PCSK5: variants seen among roughly 807,000 people sequenced by gnomAD.
PCSK5 encodes prohormone convertase 5.
A neutral mutation model predicts 233.2 loss-of-function variants in PCSK5; 129 were observed. That is an observed-to-expected ratio of 0.55 (90% CI 0.48 to 0.64). The LOEUF (loss-of-function observed/expected upper bound fraction) is 0.64. Among genes scored for constraint, PCSK5 ranks in the 30% least tolerant of loss-of-function variants. The pLI is 0.00. For missense variants in PCSK5, 2,076 were observed against 2,430.1 expected, an observed-to-expected ratio of 0.85 and a Z score of 3.06; for synonymous variants, 825 against 879.2, an observed-to-expected ratio of 0.94 and a Z score of 1.09.
intron 30 of PCSK5, among the ~76,000 whole-genome samples, chr9:76,312,514 A>C (rs1470790531): frequency 6.6e-6 from 1 of 152,036 alleles, no homozygotes; most frequent in Non-Finnish European, 1.5e-5. Context: ...CATCTCAAAA[A>C]AAAAAAAAAG....
chr9:75,909,837 A>G (rs1822646059), intron 1 of PCSK5, among the ~76,000 whole-genome samples: 1 of 152,188 alleles, frequency 6.6e-6, no homozygotes, highest in African/African-American at 2.4e-5. Context: ...GCTGTGTTAT[A>G]AGATTGAATT....
intron 14 of PCSK5, among the ~76,000 whole-genome samples, chr9:76,178,831 GA>G (rs1823727022): frequency 6.6e-6 from 1 of 152,190 alleles, no homozygotes; most frequent in African/African-American, 2.4e-5. Flanking sequence ...CATGTCATTA[GA>G]AAGTTTTTCA....
intron 1 of PCSK5, among the ~76,000 whole-genome samples, chr9:75,925,567 G>A (rs1823448860): frequency 6.6e-6 from 1 of 152,192 alleles, no homozygotes; most frequent in Admixed American, 6.5e-5. Flanking sequence ...ATCAGGGTAT[G>A]GGGTATGCCA....
intron 22 of PCSK5, among the ~76,000 whole-genome samples, chr9:76,238,285 C>T (rs1284098202): frequency 6.6e-6 from 1 of 152,152 alleles, no homozygotes; most frequent in African/African-American, 2.4e-5. Flanking sequence ...TCATTCCCTC[C>T]AGAAACAAAT....
At chr9:76,000,513 C>A (rs547645775) in intron 3 of PCSK5, among the ~76,000 whole-genome samples, 1 of 152,066 alleles carries the variant, frequency 6.6e-6, no homozygotes, top group Non-Finnish European at 1.5e-5. Context: ...TTCATTTACT[C>A]GCTAGAATAT....
At chr9:76,023,936 T>C (rs1373821539) in intron 4 of PCSK5, 55 bp downstream of exon 4, 71 of 1,497,048 alleles carry the variant, frequency 4.7e-5, no homozygotes, top group Non-Finnish European at 2.9e-5. Context: ...GAGAAACTCA[T>C]GTTAGGATTA....
intron 1 of PCSK5, among the ~76,000 whole-genome samples, chr9:75,897,667 T>A (rs1825869758): frequency 6.6e-6 from 1 of 152,004 alleles, no homozygotes; most frequent in Non-Finnish European, 1.5e-5. Flanking sequence ...CTAATTTTTG[T>A]ATTTTTAGTA....
chr9:76,362,723 T>G lies in PCSK5; in HGVS notation c.*3801T>G, dbSNP rs1379257744. Among the ~76,000 whole-genome samples the G allele has an allele frequency of 6.6e-6, 1 of 152,224 alleles. No individual in the cohort carries two copies. The highest frequency in any genetic ancestry group is 2.4e-5 in the African/African-American group (1 of 41,464). Reference sequence around the variant, plus strand: ...ACCTCTGACCTAACCGGTTATGTTATCTATAGATTCCAGACATTGTATGGA... The same window carrying G: ...ACCTCTGACCTAACCGGTTATGTTAGCTATAGATTCCAGACATTGTATGGA... On this transcript the variant is annotated 3_prime_UTR_variant, in exon 38 of 38. Transcript: ENST00000674117.
chr9:76,048,137 T>G (rs187696518), intron 5 of PCSK5, among the ~76,000 whole-genome samples: 2 of 152,336 alleles, frequency 1.3e-5, no homozygotes, highest in East Asian at 3.9e-4. Context: ...AAGCTGTTCT[T>G]AAATATTATT....
chr9:75,961,516 CTTAA>C (rs1204642280), intron 2 of PCSK5, among the ~76,000 whole-genome samples: 2 of 152,204 alleles, frequency 1.3e-5, no homozygotes, highest in African/African-American at 4.8e-5. Flanking sequence ...TTTAATTTCA[CTTAA>C]TTAAATTGTA....
At chr9:76,264,937 A>T (rs961372104) in intron 24 of PCSK5, among the ~76,000 whole-genome samples, 2 of 152,112 alleles carry the variant, frequency 1.3e-5, no homozygotes, top group African/African-American at 4.8e-5. Context: ...AATCCTTCTG[A>T]CAAAAAGACA....
intron 20 of PCSK5, among the ~76,000 whole-genome samples, chr9:76,202,983 G>A (rs1824975514): frequency 6.6e-6 from 1 of 152,126 alleles, no homozygotes; most frequent in South Asian, 2.1e-4. Flanking sequence ...ATAATTAAAT[G>A]AAAAATTGAG....
At chr9:76,046,176 T>G (rs556739559) in intron 5 of PCSK5, among the ~76,000 whole-genome samples, 7,460 of 113,294 alleles carry the variant, frequency 0.066, 220 homozygotes, top group South Asian at 0.19. Context: ...TTTTTTTTTT[T>G]TTTTTTTTTT....
intron 24 of PCSK5, among the ~76,000 whole-genome samples, chr9:76,242,773 C>T (rs1826469945): frequency 6.6e-6 from 1 of 152,144 alleles, no homozygotes; most frequent in Non-Finnish European, 1.5e-5. Context: ...TGTTGTGTGC[C>T]CATACTAGCA....
At chr9:76,179,912 T>A (rs142826854) in intron 15 of PCSK5, among the ~76,000 whole-genome samples, 1 of 152,114 alleles carries the variant, frequency 6.6e-6, no homozygotes, top group Non-Finnish European at 1.5e-5. Flanking sequence ...AAACGCAAAA[T>A]GTGCATGTAT....
At chr9:76,112,064 T>C (rs898703952) in intron 9 of PCSK5, among the ~76,000 whole-genome samples, 2 of 152,216 alleles carry the variant, frequency 1.3e-5, no homozygotes, top group Non-Finnish European at 2.9e-5. Flanking sequence ...GAATATTTCA[T>C]ATGTAACAAT....
At chr9:76,310,890 A>C in intron 30 of PCSK5, 39 bp downstream of exon 30, 1 of 1,350,932 alleles carries the variant, frequency 7.4e-7, no homozygotes, top group Non-Finnish European at 1.0e-6. Context: ...GCTTGTAATC[A>C]CTCTCCTCTG....
At chr9:76,189,276 G>A in intron 19 of PCSK5, 53 bp downstream of exon 19, 2 of 1,512,742 alleles carry the variant, frequency 1.3e-6, no homozygotes, top group Non-Finnish European at 1.8e-6. Context: ...TTCTTTTGAT[G>A]ACTATCTTCA....
chr9:75,978,264 A>G (rs758675057), intron 2 of PCSK5, among the ~76,000 whole-genome samples: 5 of 152,216 alleles, frequency 3.3e-5, no homozygotes, highest in Non-Finnish European at 7.3e-5. Flanking sequence ...GTTGTCAAGC[A>G]TCGTCTTTGG....
Sources: gnomAD v4.1 joint callset for allele counts (sites outside exome capture counted in the v4.1 genomes callset) on GRCh38, gnomAD v4.1.1 for gene constraint, MANE v1.5 for transcripts, NCBI Gene and HGNC (gene_info 2026-07-23, HGNC 2026-07-21) for gene names.